The following METTL22 variants were observed in gnomAD, a reference collection of about 807,000 sequenced individuals.
The protein encoded by METTL22 is methyltransferase-like protein 22.
Under a neutral mutation model 48.4 loss-of-function variants are expected in METTL22, and 51 were observed. The observed-to-expected ratio is 1.05, with a 90% CI of 0.84 to 1.33. The LOEUF (loss-of-function observed/expected upper bound fraction) is 1.33, where lower values mean the gene tolerates loss of function less well. Ranked by LOEUF, METTL22 falls within the 40% of genes most tolerant of loss-of-function variation. METTL22 has a pLI of 0.00. For synonymous variants in METTL22, 255 were observed against 214.1 expected, an observed-to-expected ratio of 1.19 and a Z score of -1.67; for missense variants, 678 against 526.9, an observed-to-expected ratio of 1.29 and a Z score of -2.81.
rs1161056045 is a variant in METTL22, at chr16:8,648,647, G to T, written c.*2504G>T. 6.5e-6 allele frequency: 1 copy of T among 153,814 alleles called. No homozygotes were observed. Among genetic ancestry groups the T allele is most frequent in the African/African-American group, 2.4e-5 (1 of 41,364 alleles). The allele number at this position is 153,814 out of a possible 1,614,324, so 9.5% of individuals were successfully genotyped here. The stretch of plus-strand genomic sequence containing the variant: ...CATCTCAAAAAAAAAAAAAAGCCAG[G>T]CGTAGTGGCTAACGCCTGTAGTCCC... On this transcript the variant is annotated 3_prime_UTR_variant, in exon 11 of 11. Transcript: ENST00000381920.
In METTL22 at chr16:8,641,239, C is replaced by A. The variant is rs113596966; in HGVS notation, c.826+55C>A. The stretch of plus-strand genomic sequence containing the variant: ...ATGATTCAGTGATTCCTTTGTAATA[C>A]CTCAGTGCCCCTGGCTCTGTGGTTT... On this transcript the variant is annotated intron_variant, in intron 7 of 10. Coordinates refer to ENST00000381920, the MANE Select transcript of METTL22 (RefSeq NM_024109.4). The A allele has an allele frequency of 1.5e-3, 2,368 of 1,552,770 alleles. 27 individuals carry two copies. The African/African-American group carries it at 0.023, about 15-fold the overall frequency.
At position 8,646,768 on chromosome 16, in the gene METTL22, G is replaced by C. The variant is rs887433176; in HGVS notation, c.*625G>C. On this transcript the variant is annotated 3_prime_UTR_variant, in exon 11 of 11. Coordinates refer to ENST00000381920, the MANE Select transcript of METTL22 (RefSeq NM_024109.4). ...GAGCCACTCTTTGGGGTCATGTGCA[G>C]CTGACCAGGGTTTGTGCAGTGATCT... 3 of 434,452 alleles carry C rather than the reference G, an allele frequency of 6.9e-6. No homozygotes were observed. The highest frequency in any genetic ancestry group is 1.4e-5 in the Non-Finnish European group (3 of 213,456). 26.9% of individuals were successfully genotyped at this position (434,452 alleles called of 1,614,324 possible).
rs1411937262 is a variant in METTL22, at chr16:8,640,909, G to A, written c.773-222G>A. ...GGGTGGGTGAATGGATGGATGGATG[G>A]ATGGATGGATGGATGGATGGATGGA... On this transcript the variant is annotated intron_variant, in intron 6 of 10. Coordinates refer to ENST00000381920, the MANE Select transcript of METTL22 (RefSeq NM_024109.4). Among the ~76,000 whole-genome samples, 683 of 74,188 alleles carry A rather than the reference G, an allele frequency of 9.2e-3. 62 individuals are homozygous for A. The highest frequency in any genetic ancestry group is 0.032 in the African/African-American group (645 of 20,224). 48.7% of individuals were successfully genotyped at this position (74,188 alleles called of 152,430 possible).
chr16:8,659,682 C>A, the METTL22 span, among the ~76,000 whole-genome samples: 1 of 151,770 alleles, frequency 6.6e-6, no homozygotes, highest in East Asian at 1.9e-4. Context: ...GACAGTGCAG[C>A]ACTTGTGTAT....
chr16:8,658,806 C>G, the METTL22 span, among the ~76,000 whole-genome samples: 2 of 152,168 alleles, frequency 1.3e-5, no homozygotes, highest in Non-Finnish European at 2.9e-5. Flanking sequence ...GCACAAAGCC[C>G]AAATCCCTTT....
intron 5 of METTL22, among the ~76,000 whole-genome samples, chr16:8,637,467 C>T (rs923842985): frequency 2.6e-5 from 4 of 152,224 alleles, no homozygotes; most frequent in African/African-American, 9.6e-5. Context: ...ATTTAGATGC[C>T]ATGTTCCAGT....
At chr16:8,656,729 C>T in the METTL22 span, among the ~76,000 whole-genome samples, 1 of 152,258 alleles carries the variant, frequency 6.6e-6, no homozygotes, top group African/African-American at 2.4e-5. Flanking sequence ...AGCTGTCTTA[C>T]TCCATTTTGT....
chr16:8,626,424 G>A (rs1567226387), intron 2 of METTL22, among the ~76,000 whole-genome samples: 1 of 151,632 alleles, frequency 6.6e-6, no homozygotes, highest in Non-Finnish European at 1.5e-5. Flanking sequence ...ACAAAGTGCT[G>A]GGGCTCCATC....
At position 8,630,572 on chromosome 16, in the gene METTL22, C is replaced by A. The variant is rs563395535; in HGVS notation, c.514+1462C>A. Reference sequence around the variant, plus strand: ...GATGGCTCATTTCCCTCTGAGCCCTCACTGTTATTAGCCTCCCCAAGCTGG... The same window carrying A: ...GATGGCTCATTTCCCTCTGAGCCCTAACTGTTATTAGCCTCCCCAAGCTGG... On this transcript the variant is annotated intron_variant, in intron 3 of 10. Transcript: ENST00000381920. Among the ~76,000 whole-genome samples the A allele has an allele frequency of 3.3e-5, 5 of 152,280 alleles. No individual in the cohort carries two copies. The East Asian group carries it at 9.7e-4, about 29-fold the overall frequency.
chr16:8,644,903 G>A, intron 10 of METTL22, 178 bp downstream of exon 10: 1 of 587,624 alleles, frequency 1.7e-6, no homozygotes, highest in Non-Finnish European at 2.7e-6. Flanking sequence ...GCTACATCCT[G>A]TTCTTAGCAG....
At chr16:8,649,799 C>T (rs1218161942), downstream of METTL22, 2 of 103,976 alleles carry the variant, frequency 1.9e-5, no homozygotes, top group Non-Finnish European at 3.9e-5. Flanking sequence ...AATGAAACTC[C>T]GTCTCAAAAG....
chr16:8,650,892 G>A (rs1384023603), downstream of METTL22, among the ~76,000 whole-genome samples: 2 of 152,112 alleles, frequency 1.3e-5, no homozygotes, highest in Non-Finnish European at 2.9e-5. Context: ...TGGGCATGGT[G>A]GCGTGCCTGT....
chr16:8,629,136 C>A, intron 3 of METTL22, 26 bp downstream of exon 3: 2 of 1,597,748 alleles, frequency 1.3e-6, no homozygotes, highest in South Asian at 1.1e-5. Flanking sequence ...ATGTGGCCCA[C>A]CTGTCACCAA....
chr16:8,624,153 G>C (rs550720359), intron 1 of METTL22: 2 of 152,192 alleles, frequency 1.3e-5, no homozygotes, highest in Admixed American at 6.5e-5. Flanking sequence ...GGTCTGTCCA[G>C]CTTCAAAGCC....
At chr16:8,626,859 C>T (rs958392890) in intron 2 of METTL22, among the ~76,000 whole-genome samples, 4 of 149,998 alleles carry the variant, frequency 2.7e-5, no homozygotes, top group East Asian at 3.9e-4. Flanking sequence ...CTCCGCCTCC[C>T]GGGTTCACGC....
At chr16:8,645,628 T>C (rs900724177) in intron 10 of METTL22, among the ~76,000 whole-genome samples, 11 of 135,370 alleles carry the variant, frequency 8.1e-5, no homozygotes, top group Admixed American at 3.8e-4. Flanking sequence ...GAAAAAAAAT[T>C]AGCCATGCAT....
At chr16:8,649,857 C>T (rs1329466433), downstream of METTL22, among the ~76,000 whole-genome samples, 1 of 151,902 alleles carries the variant, frequency 6.6e-6, no homozygotes, top group Non-Finnish European at 1.5e-5. Context: ...CCCAAAGCTT[C>T]TCAAACTAGT....
downstream of METTL22, among the ~76,000 whole-genome samples, chr16:8,654,071 C>G (rs1641092): frequency 0.99 from 150,410 of 152,308 alleles, 74,301 homozygotes; most frequent in Middle Eastern, 1. Context: ...CTCAGAGGAT[C>G]GAGATGGTGA....
At position 8,641,182 on chromosome 16, in the gene METTL22, C is replaced by T. The variant is rs765084235; in HGVS notation, c.824C>T (p.Thr275Ile). 2.0e-5 allele frequency: 33 copies of T among 1,613,930 alleles called. 1 individual carries two copies. The South Asian group carries it at 3.5e-4, about 17-fold the overall frequency. ...ELDWLKDDLC[T>I]DPKVPFSWSQ... is the part of the protein sequence containing the mutation. ...GACTGGCTGAAGGACGACCTCTGCA[C>T]AGGTGTGTGTTTCTCTCGGACGTCC... is the stretch of plus-strand genomic sequence containing the variant. The change falls in exon 7 of 11, where the codon ACA becomes ATA. Residue 275 changes from threonine (T) to isoleucine (I), a missense_variant and splice_region_variant. By Grantham distance (89) the Thr-to-Ile change is moderately conservative (BLOSUM62 -1). Transcript: ENST00000381920.
Sources: allele counts gnomAD v4.1 joint callset (sites outside exome capture counted in the v4.1 genomes callset), GRCh38; gene constraint gnomAD v4.1.1; transcripts MANE v1.5; gene names NCBI Gene and HGNC (gene_info 2026-07-23, HGNC 2026-07-21).